RPH3A: variants seen among roughly 807,000 people sequenced by gnomAD.
RPH3A encodes the protein rabphilin 3A, also known as rabphilin-3A.
Under a neutral mutation model 102.2 loss-of-function variants are expected in RPH3A, and 48 were observed. The ratio of observed to expected loss-of-function variants is 0.47; its 90% CI spans 0.37 to 0.60. RPH3A has a LOEUF of 0.60. Among genes scored for constraint, RPH3A ranks in the 20% least tolerant of loss-of-function variants. RPH3A has a pLI of 0.00. For missense variants in RPH3A, 781 were observed against 910.1 expected (o/e 0.86, Z 1.83); for synonymous variants, 310 against 324.3 (o/e 0.96, Z 0.47).
At chr12:112,846,862 A>G (rs1351292890) in intron 4 of RPH3A, among the ~76,000 whole-genome samples, 1 of 152,178 alleles carries the variant, frequency 6.6e-6, no homozygotes, top group Non-Finnish European at 1.5e-5. Flanking sequence ...CACAGATCCC[A>G]TTCTTTCCGT....
At chr12:112,889,494 A>G (rs536483646) in intron 17 of RPH3A, among the ~76,000 whole-genome samples, 1 of 152,286 alleles carries the variant, frequency 6.6e-6, no homozygotes, top group Admixed American at 6.5e-5. Context: ...ATTATGTCCC[A>G]CTGAGGGCCC....
upstream of RPH3A, among the ~76,000 whole-genome samples, chr12:112,788,614 T>C (rs1159527429): frequency 2.0e-5 from 3 of 152,248 alleles, no homozygotes; most frequent in East Asian, 5.8e-4. Context: ...CACTGTAAAG[T>C]GCTTAGTACA....
At chr12:112,796,149 C>T (rs973516116) in intron 2 of RPH3A, among the ~76,000 whole-genome samples, 1 of 152,186 alleles carries the variant, frequency 6.6e-6, no homozygotes, top group African/African-American at 2.4e-5. Flanking sequence ...CTCTAAGCAA[C>T]TAGCAGGGGA....
chr12:112,766,059 A>G (rs113154437), intron 1 of RPH3A, among the ~76,000 whole-genome samples: 138 of 152,062 alleles, frequency 9.1e-4, no homozygotes, highest in African/African-American at 3.2e-3. Flanking sequence ...CTTGTATTTG[A>G]TCCTTCATGG....
chr12:112,665,399 C>T (rs1382185546), intron 1 of RPH3A, among the ~76,000 whole-genome samples: 2 of 152,214 alleles, frequency 1.3e-5, no homozygotes, highest in Non-Finnish European at 2.9e-5. Flanking sequence ...TATTGTCCTA[C>T]TGACTTTCAG....
chr12:112,875,016 C>T, intron 10 of RPH3A, 68 bp from the exon 11 acceptor site: 1 of 1,393,288 alleles, frequency 7.2e-7, no homozygotes, highest in Non-Finnish European at 9.8e-7. Flanking sequence ...CTGAGTGGTC[C>T]CAAGCTCCTT....
At chr12:112,645,228 C>T (rs1016572454) in intron 1 of RPH3A, among the ~76,000 whole-genome samples, 1 of 152,080 alleles carries the variant, frequency 6.6e-6, no homozygotes, top group Non-Finnish European at 1.5e-5. Flanking sequence ...CACATGCCAC[C>T]CTGGATTTTT....
intron 2 of RPH3A, among the ~76,000 whole-genome samples, chr12:112,823,653 T>TTA (rs2041819632): frequency 6.6e-6 from 1 of 152,224 alleles, no homozygotes; most frequent in African/African-American, 2.4e-5. Flanking sequence ...TATGTGACAC[T>TTA]TACATTTATA....
intron 1 of RPH3A, among the ~76,000 whole-genome samples, chr12:112,763,451 G>A (rs999836389): frequency 6.6e-6 from 1 of 152,218 alleles, no homozygotes; most frequent in African/African-American, 2.4e-5. Context: ...ATGTACATTG[G>A]TTAGGTCAAG....
At chr12:112,648,594 A>AAAAAAAAAAAAAAAAAAAC (rs2039950643) in intron 1 of RPH3A, among the ~76,000 whole-genome samples, 1 of 138,466 alleles carries the variant, frequency 7.2e-6, no homozygotes, top group Non-Finnish European at 1.5e-5. Context: ...AAAAAAAAAA[A>AAAAAAAAAAAAAAAAAAAC]AAAAGCTAGG....
intron 1 of RPH3A, among the ~76,000 whole-genome samples, chr12:112,662,779 A>C (rs2040057656): frequency 6.6e-6 from 1 of 151,516 alleles, no homozygotes; most frequent in African/African-American, 2.4e-5. Context: ...AAAAAAAAAA[A>C]CAGGTAGCAG....
chr12:112,712,521 C>T lies in RPH3A; in HGVS notation c.-139-79622C>T, dbSNP rs183664904. On this transcript the variant is annotated intron_variant, in intron 1 of 21. Coordinates refer to the RPH3A transcript ENST00000543106. ...GGTGTAAAGAATAACATAATGAACA[C>T]CCATGTACTCACCATCCAGTTTAAG... Among the ~76,000 whole-genome samples the T allele has an allele frequency of 9.7e-4, 147 of 152,130 alleles. 1 individual carries two copies. The highest frequency in any genetic ancestry group is 1.8e-3 in the Non-Finnish European group (119 of 67,992).
intron 5 of RPH3A, among the ~76,000 whole-genome samples, chr12:112,853,996 C>G (rs1017543892): frequency 2.0e-5 from 3 of 152,326 alleles, no homozygotes; most frequent in Non-Finnish European, 4.4e-5. Flanking sequence ...CCCTCATGGC[C>G]TCCCTGACCT....
intron 1 of RPH3A, among the ~76,000 whole-genome samples, chr12:112,750,089 A>G (rs888672590): frequency 5.3e-5 from 8 of 152,146 alleles, no homozygotes; most frequent in African/African-American, 1.9e-4. Context: ...GGAGGTAGAT[A>G]TGGTTCTCTC....
chr12:112,888,540 G>A (rs968734126), intron 17 of RPH3A, among the ~76,000 whole-genome samples: 2 of 152,168 alleles, frequency 1.3e-5, no homozygotes, highest in Non-Finnish European at 2.9e-5. Flanking sequence ...TGCCACTTAG[G>A]GTATAACCTG....
chr12:112,652,795 C>T (rs753151772), intron 1 of RPH3A, among the ~76,000 whole-genome samples: 1 of 152,224 alleles, frequency 6.6e-6, no homozygotes, highest in African/African-American at 2.4e-5. Flanking sequence ...AATAAGCAGC[C>T]AAGACCTCTG....
At chr12:112,749,439 C>T (rs2040770964) in intron 1 of RPH3A, among the ~76,000 whole-genome samples, 1 of 152,166 alleles carries the variant, frequency 6.6e-6, no homozygotes, top group Non-Finnish European at 1.5e-5. Flanking sequence ...CAATTGAACT[C>T]AATCATCTTT....
chr12:112,869,303 T>TA, intron 8 of RPH3A: 1 of 162,340 alleles, frequency 6.2e-6, no homozygotes, highest in Non-Finnish European at 1.3e-5. Context: ...AAAGGAAGGG[T>TA]ACAGCGTTTT....
At position 112,654,412 on chromosome 12, in the gene RPH3A, T is replaced by C. The variant is rs75485348; in HGVS notation, c.-140+79093T>C. 6.5e-3 allele frequency among the ~76,000 whole-genome samples: 986 copies of C among 152,248 alleles called. 18 individuals carry two copies. Among genetic ancestry groups the C allele is most frequent in the African/African-American group, 0.023 (959 of 41,558 alleles). ...TTTTCTTTTCTCTTGCCTTTTTTTTTCACTATGCATTCCTGCTCCAGTTCC... is the reference window on the plus strand; with the variant it reads ...TTTTCTTTTCTCTTGCCTTTTTTTTCCACTATGCATTCCTGCTCCAGTTCC... On this transcript the variant is annotated intron_variant, in intron 1 of 21. Transcript: ENST00000543106.
Sources: gnomAD v4.1 joint callset for allele counts (sites outside exome capture counted in the v4.1 genomes callset) on GRCh38, gnomAD v4.1.1 for gene constraint, MANE v1.5 for transcripts, NCBI Gene and HGNC (gene_info 2026-07-23, HGNC 2026-07-21) for gene names.